P2RY14: variants seen among roughly 807,000 people sequenced by gnomAD.
P2RY14 encodes the protein purinergic receptor P2Y14.
Under a neutral mutation model 0.9 loss-of-function variants are expected in P2RY14, and 2 were observed. That is an observed-to-expected ratio of 2.16 (90% CI 0.88 to 6.79). The LOEUF (loss-of-function observed/expected upper bound fraction) is 6.79. P2RY14 is among the 30% of genes most tolerant of loss of function. The pLI is 0.05. For missense variants in P2RY14, 378 were observed against 400.1 expected (o/e 0.94, Z 0.47); for synonymous variants, 158 against 147.2 (o/e 1.07, Z -0.53).
intron 1 of P2RY14, among the ~76,000 whole-genome samples, chr3:151,261,912 A>C (rs1738990723): frequency 6.6e-6 from 1 of 152,018 alleles, no homozygotes; most frequent in Admixed American, 6.6e-5. Context: ...TTTTTAGTAG[A>C]GACGGGGTTT....
At chr3:151,232,772 G>A (rs1287275607) in intron 1 of P2RY14, among the ~76,000 whole-genome samples, 1 of 152,114 alleles carries the variant, frequency 6.6e-6, no homozygotes, top group East Asian at 1.9e-4. Context: ...AGTAGACACT[G>A]AGGCTTACTT....
At chr3:151,272,145 A>C (rs923889218) in intron 1 of P2RY14, among the ~76,000 whole-genome samples, 1 of 152,206 alleles carries the variant, frequency 6.6e-6, no homozygotes, top group Non-Finnish European at 1.5e-5. Flanking sequence ...TGTGTACCAC[A>C]TGAGCTTGCA....
At chr3:151,264,217 T>C (rs1739424396) in intron 1 of P2RY14, among the ~76,000 whole-genome samples, 1 of 152,232 alleles carries the variant, frequency 6.6e-6, no homozygotes, top group Non-Finnish European at 1.5e-5. Context: ...TTGAAGGTTG[T>C]GTTTTGAGGT....
chr3:151,243,817 C>T (rs1348142196), intron 1 of P2RY14, among the ~76,000 whole-genome samples: 1 of 150,944 alleles, frequency 6.6e-6, no homozygotes, highest in African/African-American at 2.5e-5. Context: ...ACGACACAGA[C>T]TGGCAAATTG....
chr3:151,228,397 T>G (rs1018797635), intron 1 of P2RY14, among the ~76,000 whole-genome samples: 1 of 152,154 alleles, frequency 6.6e-6, no homozygotes, highest in Admixed American at 6.5e-5. Context: ...GTGGGAACAT[T>G]GCGCGTACAG....
At chr3:151,237,453 G>A (rs1437939116) in intron 1 of P2RY14, among the ~76,000 whole-genome samples, 2 of 140,990 alleles carry the variant, frequency 1.4e-5, no homozygotes, top group African/African-American at 2.6e-5. Flanking sequence ...GGGTTCAAGC[G>A]ATTCTCCTGC....
intron 1 of P2RY14, among the ~76,000 whole-genome samples, chr3:151,259,681 T>C (rs9835328): frequency 0.51 from 77,228 of 152,024 alleles, 19,825 homozygotes; most frequent in East Asian, 0.62. Flanking sequence ...TGAATGCTAC[T>C]ATGTGCAAAT....
intron 1 of P2RY14, among the ~76,000 whole-genome samples, chr3:151,245,567 C>T (rs1213499036): frequency 6.7e-6 from 1 of 150,260 alleles, no homozygotes; most frequent in Admixed American, 6.7e-5. Context: ...CAAAATTCAA[C>T]AACCCTTCAT....
At chr3:151,261,504 C>T (rs1254360100) in intron 1 of P2RY14, 1 of 152,056 alleles carries the variant, frequency 6.6e-6, no homozygotes, top group Non-Finnish European at 1.5e-5. Flanking sequence ...AGGTTGGTTG[C>T]TTATCTTCAG....
chr3:151,249,841 A>G (rs1736488774), intron 1 of P2RY14, among the ~76,000 whole-genome samples: 1 of 152,186 alleles, frequency 6.6e-6, no homozygotes, highest in African/African-American at 2.4e-5. Flanking sequence ...CAGTCATAAT[A>G]CATCTTTCAG....
At chr3:151,232,037 CT>C (rs1251935734) in intron 1 of P2RY14, among the ~76,000 whole-genome samples, 8 of 152,086 alleles carry the variant, frequency 5.3e-5, no homozygotes, top group Non-Finnish European at 1.5e-5. Context: ...GGGAAGGGTC[CT>C]GTGCTCCGTG....
chr3:151,265,943 C>G (rs553680502), intron 1 of P2RY14, among the ~76,000 whole-genome samples: 1 of 152,258 alleles, frequency 6.6e-6, no homozygotes, highest in African/African-American at 2.4e-5. Flanking sequence ...AGGGCATCAG[C>G]GCTGGGCAAG....
intron 1 of P2RY14, among the ~76,000 whole-genome samples, chr3:151,246,817 A>G (rs1165108762): frequency 1.3e-5 from 2 of 152,236 alleles, no homozygotes; most frequent in African/African-American, 2.4e-5. Context: ...AGATACTACC[A>G]TCAGAGTGAA....
intron 1 of P2RY14, among the ~76,000 whole-genome samples, chr3:151,247,872 C>T (rs1735981999): frequency 6.6e-6 from 1 of 151,566 alleles, no homozygotes; most frequent in African/African-American, 2.4e-5. Flanking sequence ...CTCTGCCTTC[C>T]CTTAGTTGCA....
intron 1 of P2RY14, among the ~76,000 whole-genome samples, chr3:151,263,125 C>T (rs1442311706): frequency 1.3e-5 from 2 of 152,014 alleles, no homozygotes; most frequent in Non-Finnish European, 2.9e-5. Flanking sequence ...TCTGCATGGG[C>T]GAAGTGGGTG....
intron 2 of P2RY14, among the ~76,000 whole-genome samples, chr3:151,217,102 G>A (rs1728391204): frequency 6.6e-6 from 1 of 152,132 alleles, no homozygotes; most frequent in African/African-American, 2.4e-5. Context: ...AATAATAACT[G>A]TGTAATATAT....
intron 1 of P2RY14, among the ~76,000 whole-genome samples, chr3:151,228,853 A>G (rs1313157778): frequency 1.3e-5 from 2 of 152,126 alleles, no homozygotes; most frequent in East Asian, 3.8e-4. Flanking sequence ...CTTCTGCAGC[A>G]TTGTTTTGGA....
At chr3:151,260,979 A>G (rs1305984770) in intron 1 of P2RY14, among the ~76,000 whole-genome samples, 2 of 151,336 alleles carry the variant, frequency 1.3e-5, no homozygotes, top group African/African-American at 4.8e-5. Context: ...GTGGATGTGT[A>G]TGGTGTCTTT....
intron 2 of P2RY14, among the ~76,000 whole-genome samples, chr3:151,216,147 T>C (rs1728173363): frequency 6.6e-6 from 1 of 152,204 alleles, no homozygotes; most frequent in African/African-American, 2.4e-5. Context: ...GTCATTTTTT[T>C]ACTCTTGAAT....
Sources: allele counts gnomAD v4.1 joint callset (sites outside exome capture counted in the v4.1 genomes callset), GRCh38; gene constraint gnomAD v4.1.1; transcripts MANE v1.5; gene names NCBI Gene and HGNC (gene_info 2026-07-23, HGNC 2026-07-21).